The following SH3GL1 variants were observed in gnomAD, a reference collection of about 807,000 sequenced individuals.
The protein encoded by SH3GL1 is endophilin-A2.
SH3GL1 carries 21 observed loss-of-function variants against 48.8 expected under a neutral mutation model. The ratio of observed to expected loss-of-function variants is 0.43; its 90% CI spans 0.30 to 0.62. The LOEUF (loss-of-function observed/expected upper bound fraction) is 0.62, where lower values mean the gene tolerates loss of function less well. Among genes scored for constraint, SH3GL1 ranks in the 20% least tolerant of loss-of-function variants. The probability of loss-of-function intolerance (pLI) is 0.11; values close to 1 mark genes in which losing one functional copy is unlikely to be tolerated. For missense variants in SH3GL1, 454 were observed against 503.0 expected (o/e 0.90, Z 0.93); for synonymous variants, 282 against 217.5 (o/e 1.30, Z -2.61).
chr19:4,362,700 A>G lies in SH3GL1; in HGVS notation c.765T>C (p.Tyr255=). The G allele has an allele frequency of 6.2e-7, 1 of 1,614,040 alleles. No homozygotes were observed. Among genetic ancestry groups the G allele is most frequent in the Non-Finnish European group, 8.5e-7 (1 of 1,180,010 alleles). The change falls in exon 8 of 10, where the codon TAT becomes TAC. Residue 255 remains tyrosine, a synonymous_variant. Coordinates refer to ENST00000269886, the MANE Select transcript of SH3GL1 (RefSeq NM_003025.4). The part of the protein sequence containing the change: ...REASSRPKRE[Y]KPKPREPFDL... ...CAAAGGGCTCCCGGGGCTTGGGCTT[A>G]TACTCCCGCTTAGGGCGTGAGGAAG...
rs1056745676 is a variant in SH3GL1 at position 4,376,967 on chromosome 19, C to T, written c.46-9973G>A. The stretch of plus-strand genomic sequence containing the variant: ...CTAAGCTCCGGGGGCAGCAACTCCC[C>T]GCAGTGACCCGGAAGGCAGCCAGAT... On this transcript the variant is annotated intron_variant, in intron 1 of 9. Coordinates refer to ENST00000269886, the MANE Select transcript of SH3GL1 (RefSeq NM_003025.4). This position sits in a 1 kb window ranked among gnomAD's most constrained non-coding sequence, Gnocchi z 4.3. 7.9e-5 allele frequency among the ~76,000 whole-genome samples: 12 copies of T among 152,208 alleles called. No homozygotes were observed. The highest frequency in any genetic ancestry group is 2.2e-4 in the African/African-American group (9 of 41,454).
intron 1 of SH3GL1, among the ~76,000 whole-genome samples, chr19:4,399,118 G>A (rs243414): frequency 0.33 from 50,130 of 151,690 alleles, 8,763 homozygotes; most frequent in East Asian, 0.59. Context: ...CCAGGAGTTC[G>A]AGACCACCCT....
rs1972784892 is a variant in SH3GL1 at position 4,366,564 on chromosome 19, C to T, written c.124G>A (p.Val42Ile). ...DFKEMEKKVDVTSKAVTEVLA... is the reference protein window; with the variant it reads ...DFKEMEKKVDITSKAVTEVLA... ...ACTTCTGTCACCGCCTTGCTGGTGA[C>T]ATCCACCTTCTGTGAAGAGAAGCAG... Residue 42 changes from valine to isoleucine, a missense_variant, in exon 3 of 10, where the codon GTC (valine) becomes ATC (isoleucine). Transcript: ENST00000269886. 2 of 1,611,924 alleles carry T rather than the reference C, an allele frequency of 1.2e-6. No individual in the cohort carries two copies. The highest frequency in any genetic ancestry group is 3.3e-5 in the Admixed American group (2 of 59,776).
intron 6 of SH3GL1, 21 bp downstream of exon 6, chr19:4,363,697 ATG>A (rs1972690669): frequency 1.2e-6 from 2 of 1,612,074 alleles, no homozygotes; most frequent in Non-Finnish European, 1.7e-6. Context: ...TCTTCTCAGG[ATG>A]TGACACCCCG....
intron 2 of SH3GL1, 40 bp downstream of exon 2, chr19:4,366,886 C>G (rs757409640): frequency 6.3e-7 from 1 of 1,591,024 alleles, no homozygotes; most frequent in Non-Finnish European, 8.6e-7. Context: ...CAGGCCCCAG[C>G]AGTGCCACCA....
At chr19:4,377,575 G>A (rs1488110287) in intron 1 of SH3GL1, among the ~76,000 whole-genome samples, 1 of 152,184 alleles carries the variant, frequency 6.6e-6, no homozygotes, top group Non-Finnish European at 1.5e-5. Context: ...AGGGGGTGGT[G>A]AGAGGCGGTC....
At chr19:4,398,894 G>C (rs1973469595) in intron 1 of SH3GL1, among the ~76,000 whole-genome samples, 1 of 152,166 alleles carries the variant, frequency 6.6e-6, no homozygotes, top group Admixed American at 6.5e-5. Flanking sequence ...GGTGAGCAAA[G>C]ATATTCACTG....
intron 1 of SH3GL1, among the ~76,000 whole-genome samples, chr19:4,373,621 G>C (rs1183454475): frequency 6.6e-6 from 1 of 152,186 alleles, no homozygotes; most frequent in Non-Finnish European, 1.5e-5. Flanking sequence ...CCAAGCTCTG[G>C]CAGCAAAAGG....
At chr19:4,381,432 TCTGC>T (rs1383458199) in intron 1 of SH3GL1, among the ~76,000 whole-genome samples, 1 of 86,354 alleles carries the variant, frequency 1.2e-5, no homozygotes, top group African/African-American at 4.9e-5. Flanking sequence ...CTCTGTCCCC[TCTGC>T]CTCTCTGTCC....
chr19:4,391,819 G>A (rs1322150807), intron 1 of SH3GL1, among the ~76,000 whole-genome samples: 1 of 152,216 alleles, frequency 6.6e-6, no homozygotes, highest in Admixed American at 6.5e-5. Flanking sequence ...CCGTCTGCAA[G>A]CCAGAAACAG....
chr19:4,363,396 G>T lies in SH3GL1; in HGVS notation c.702C>A (p.Asp234Glu). 6.2e-7 allele frequency: 1 copy of T among 1,609,948 alleles called. No homozygotes were observed. The highest frequency in any genetic ancestry group is 8.5e-7 in the Non-Finnish European group (1 of 1,178,534). Residue 234 changes from aspartate to glutamate, a missense_variant, in exon 7 of 10, where the codon GAC becomes GAA. Physicochemically the swap from Asp to Glu is conservative, Grantham distance 45. This residue lies in a region of SH3GL1 where 278 missense variants were observed against 246.8 expected (regional missense o/e 1.13). Coordinates refer to ENST00000269886, the MANE Select transcript of SH3GL1 (RefSeq NM_003025.4). ...TGCGCTTGAGCTTCTCCGCCAGCTC[G>T]TCCAGGATCTGCACGGCCTGCCGGT... ...DYHRQAVQIL[D>E]ELAEKLKRRM...
In SH3GL1 at chr19:4,361,537, A is replaced by T; in HGVS notation, c.*63T>A. On this transcript the variant is annotated 3_prime_UTR_variant, in exon 10 of 10. Transcript: ENST00000269886. The stretch of plus-strand genomic sequence containing the variant: ...TGGCAGCAGGGGCTCCGTGGAATGC[A>T]GGAGACCCAGCAGGGGGTGCCGGCC... The T allele has an allele frequency of 7.7e-7, 1 of 1,295,930 alleles. No individual in the cohort carries two copies. The highest frequency in any genetic ancestry group is 1.1e-6 in the Non-Finnish European group (1 of 929,946). The allele number at this position is 1,295,930 out of a possible 1,614,324, so 80.3% of individuals were successfully genotyped here. A position where few individuals can be genotyped will look rare whatever the true frequency, so the allele number is the denominator to read the frequency against.
Position 4,376,800 on chromosome 19 carries a change from A to G in SH3GL1, c.46-9806T>C, listed in dbSNP as rs1232282466. On this transcript the variant is annotated intron_variant, in intron 1 of 9. Transcript: ENST00000269886. This position sits in a 1 kb window ranked among gnomAD's most constrained non-coding sequence, Gnocchi z 4.3. ...TCCTGCTATCCTCACGGGGCCTCGCATTCCTCTTGCTTGCTTGTTTTCGGG... is the reference window on the plus strand; with the variant it reads ...TCCTGCTATCCTCACGGGGCCTCGCGTTCCTCTTGCTTGCTTGTTTTCGGG... Among the ~76,000 whole-genome samples, 1 of 152,042 alleles carries G rather than the reference A, an allele frequency of 6.6e-6. No homozygotes were observed. Among genetic ancestry groups the G allele is most frequent in the Non-Finnish European group, 1.5e-5 (1 of 68,000 alleles).
intron 1 of SH3GL1, among the ~76,000 whole-genome samples, chr19:4,382,814 C>A (rs1175098584): frequency 6.6e-6 from 1 of 152,120 alleles, no homozygotes; most frequent in African/African-American, 2.4e-5. Flanking sequence ...ACAGAGTTGG[C>A]CAGTACTGAG....
Position 4,362,350 on chromosome 19 carries a change from G to C in SH3GL1, c.889C>G (p.Arg297Gly). 1 of 1,612,166 alleles carries C rather than the reference G, an allele frequency of 6.2e-7. No homozygotes were observed. Among genetic ancestry groups the C allele is most frequent in the South Asian group, 1.1e-5 (1 of 90,646 alleles). Residue 297 changes from arginine (R) to glycine (G), a missense_variant, in exon 9 of 10, where the codon CGG becomes GGG. Around this residue, in one of 2 missense-constraint regions of SH3GL1, gnomAD observed 278 missense variants for 246.8 expected, o/e 1.13. Transcript: ENST00000269886. Reference sequence around the variant, plus strand: ...TCACGCATGCTCCGGCTAGGGGTCCGGATGGGCTTGTCGGAAGATCGGAAA... The same window carrying C: ...TCACGCATGCTCCGGCTAGGGGTCCCGATGGGCTTGTCGGAAGATCGGAAA... ...SSFRSSDKPI[R>G]TPSRSMPPLD...
At chr19:4,373,698 A>C (rs1972948225) in intron 1 of SH3GL1, among the ~76,000 whole-genome samples, 1 of 152,080 alleles carries the variant, frequency 6.6e-6, no homozygotes, top group Non-Finnish European at 1.5e-5. Flanking sequence ...CTGGGCTGGC[A>C]ACCGAGATAC....
At chr19:4,371,746 G>A (rs950047906) in intron 1 of SH3GL1, among the ~76,000 whole-genome samples, 1 of 152,290 alleles carries the variant, frequency 6.6e-6, no homozygotes, top group South Asian at 2.1e-4. Flanking sequence ...GTCCTCCCTC[G>A]GCTGGGGAGC....
chr19:4,365,568 T>C lies in SH3GL1; in HGVS notation c.245A>G (p.Lys82Arg). The change falls in exon 4 of 10, where the codon AAG (lysine) becomes AGG (arginine). Residue 82 changes from lysine to arginine, a missense_variant. Around this residue, in one of 2 missense-constraint regions of SH3GL1, gnomAD observed 176 missense variants for 256.2 expected, o/e 0.69. Transcript: ENST00000269886. ...CTCCGACTGCGGGTAGCCGGGGTTC[T>C]TCACCTGGCCCCGGATCTTGGACAC... ...NTVSKIRGQVKNPGYPQSEGL... is the reference protein window; with the variant it reads ...NTVSKIRGQVRNPGYPQSEGL... 1 of 1,614,110 alleles carries C rather than the reference T, an allele frequency of 6.2e-7. No individual in the cohort carries two copies. The highest frequency in any genetic ancestry group is 8.5e-7 in the Non-Finnish European group (1 of 1,180,024).
chr19:4,382,137 C>A (rs1973145948), intron 1 of SH3GL1, among the ~76,000 whole-genome samples: 1 of 152,126 alleles, frequency 6.6e-6, no homozygotes, highest in African/African-American at 2.4e-5. Context: ...GCTCACGGCC[C>A]CCTCCTCCCT....
Sources: allele counts gnomAD v4.1 joint callset (sites outside exome capture counted in the v4.1 genomes callset), GRCh38; gene constraint gnomAD v4.1.1; regional missense constraint gnomAD v4.1.1; non-coding constraint Gnocchi (gnomAD v3.1); transcripts MANE v1.5; gene names NCBI Gene and HGNC (gene_info 2026-07-23, HGNC 2026-07-21).